PRKCA: variants seen among roughly 807,000 people sequenced by gnomAD.
The protein encoded by PRKCA is protein kinase C alpha, also known as protein kinase C alpha type.
PRKCA carries 27 observed loss-of-function variants against 87.0 expected under a neutral mutation model. The ratio of observed to expected loss-of-function variants is 0.31; its 90% CI spans 0.23 to 0.43. The LOEUF (loss-of-function observed/expected upper bound fraction) is 0.43, where lower values mean the gene tolerates loss of function less well. Among genes scored for constraint, PRKCA ranks in the 20% least tolerant of loss-of-function variants. The pLI, the probability that PRKCA is intolerant of heterozygous loss-of-function variation, is 1.00. For missense variants in PRKCA, 518 were observed against 852.3 expected, an observed-to-expected ratio of 0.61 and a Z score of 4.88; for synonymous variants, 329 against 311.1, an observed-to-expected ratio of 1.06 and a Z score of -0.61.
At chr17:66,485,390 T>C (rs1417047217) in intron 2 of PRKCA, among the ~76,000 whole-genome samples, 2 of 152,222 alleles carry the variant, frequency 1.3e-5, no homozygotes, top group African/African-American at 4.8e-5. Flanking sequence ...GTAGCATTTC[T>C]GCAACCCTGC....
intron 5 of PRKCA, among the ~76,000 whole-genome samples, chr17:66,675,239 G>A (rs1972294940): frequency 6.6e-6 from 1 of 152,204 alleles, no homozygotes; most frequent in South Asian, 2.1e-4. Flanking sequence ...TCACACGGTG[G>A]AAGGGCAAAC....
chr17:66,787,102 G>A (rs1267260931), intron 15 of PRKCA, 128 bp downstream of exon 15: 1 of 834,818 alleles, frequency 1.2e-6, no homozygotes, highest in Admixed American at 1.7e-5. Context: ...TGGCCATCGA[G>A]GGTTGGGGCT....
chr17:66,697,078 A>T (rs1972941974), intron 8 of PRKCA, among the ~76,000 whole-genome samples: 1 of 152,246 alleles, frequency 6.6e-6, no homozygotes, highest in Admixed American at 6.5e-5. Flanking sequence ...CTCCTCAGAG[A>T]GTCGAGAAAG....
intron 13 of PRKCA, among the ~76,000 whole-genome samples, chr17:66,747,708 C>T (rs1384413629): frequency 1.3e-5 from 2 of 152,214 alleles, no homozygotes; most frequent in African/African-American, 4.8e-5. Context: ...GTTTTCTTGG[C>T]CACTCACTTA....
intron 5 of PRKCA, among the ~76,000 whole-genome samples, chr17:66,667,668 C>G (rs1972076401): frequency 6.6e-6 from 1 of 152,154 alleles, no homozygotes; most frequent in African/African-American, 2.4e-5. Flanking sequence ...TCAAAAGCCA[C>G]CCACACAGGG....
At chr17:66,483,451 TTTTTATTTTATTTTA>T (rs141810960) in intron 2 of PRKCA, among the ~76,000 whole-genome samples, 2 of 148,050 alleles carry the variant, frequency 1.4e-5, no homozygotes, top group Non-Finnish European at 3.0e-5. Flanking sequence ...CTTGCCTTTA[TTTTTATTTTATTTTA>T]TTTTATTTTA....
chr17:66,420,002 CTTT>C (rs558522698), intron 2 of PRKCA, among the ~76,000 whole-genome samples: 2 of 113,708 alleles, frequency 1.8e-5, no homozygotes, highest in Non-Finnish European at 3.8e-5. Flanking sequence ...GGGTTGTGTT[CTTT>C]TTTTTTTTTT....
chr17:66,305,360 C>T (rs377663957), intron 1 of PRKCA, among the ~76,000 whole-genome samples: 11 of 152,274 alleles, frequency 7.2e-5, no homozygotes, highest in African/African-American at 2.6e-4. Flanking sequence ...GAGATTATGA[C>T]TCTCAACCTT....
intron 3 of PRKCA, among the ~76,000 whole-genome samples, chr17:66,573,053 A>G (rs918585378): frequency 6.6e-6 from 1 of 152,166 alleles, no homozygotes. Flanking sequence ...CGTTCTGTCT[A>G]CAGAGGAACT....
chr17:66,631,404 T>A (rs1185872982), intron 3 of PRKCA, among the ~76,000 whole-genome samples: 1 of 152,210 alleles, frequency 6.6e-6, no homozygotes, highest in Non-Finnish European at 1.5e-5. Context: ...TTAAACATCT[T>A]ATTTTTATTA....
chr17:66,740,840 G>C (rs886472249), intron 11 of PRKCA, among the ~76,000 whole-genome samples: 7 of 152,174 alleles, frequency 4.6e-5, no homozygotes, highest in African/African-American at 1.7e-4. Context: ...ATAATGTAAA[G>C]ATCACCTGTA....
intron 3 of PRKCA, among the ~76,000 whole-genome samples, chr17:66,580,547 C>G (rs1969390070): frequency 1.3e-5 from 2 of 152,214 alleles, no homozygotes; most frequent in Non-Finnish European, 2.9e-5. Flanking sequence ...TTCTTAGCAT[C>G]TCAGCAATCC....
intron 5 of PRKCA, among the ~76,000 whole-genome samples, chr17:66,672,852 A>C (rs1337091494): frequency 6.6e-6 from 1 of 152,212 alleles, no homozygotes; most frequent in Non-Finnish European, 1.5e-5. Context: ...CTATAAAAAT[A>C]AATATTTCAA....
chr17:66,508,501 C>A (rs1057389941), intron 3 of PRKCA, among the ~76,000 whole-genome samples: 1 of 152,160 alleles, frequency 6.6e-6, no homozygotes, highest in African/African-American at 2.4e-5. Flanking sequence ...CTGTCCTCAG[C>A]ATTCCAGCAC....
At chr17:66,552,641 T>C (rs1398886139) in intron 3 of PRKCA, among the ~76,000 whole-genome samples, 1 of 152,198 alleles carries the variant, frequency 6.6e-6, no homozygotes, top group African/African-American at 2.4e-5. Context: ...CAAGCCAAGA[T>C]TGCACTGTCA....
intron 2 of PRKCA, among the ~76,000 whole-genome samples, chr17:66,336,666 T>C (rs1409553278): frequency 7.3e-6 from 1 of 137,674 alleles, no homozygotes; most frequent in Non-Finnish European, 1.5e-5. Flanking sequence ...TTTGCCTATA[T>C]AGTAAATTAT....
chr17:66,659,583 A>T (rs1971834365), intron 5 of PRKCA, among the ~76,000 whole-genome samples: 2 of 152,308 alleles, frequency 1.3e-5, no homozygotes, highest in South Asian at 4.1e-4. Flanking sequence ...TTTAAAAATT[A>T]AAAATAAAAA....
At chr17:66,712,825 G>A (rs1013184489) in intron 8 of PRKCA, among the ~76,000 whole-genome samples, 1 of 152,136 alleles carries the variant, frequency 6.6e-6, no homozygotes, top group East Asian at 1.9e-4. Context: ...AATGGTAAAA[G>A]GACCAACCTC....
rs543966555 is a variant in PRKCA, at chr17:66,464,162, T to C, written c.206-32039T>C. 1.4e-3 allele frequency among the ~76,000 whole-genome samples: 209 copies of C among 152,274 alleles called. 3 individuals carry two copies. The highest frequency in any genetic ancestry group is 1.8e-3 in the Non-Finnish European group (123 of 68,016). The stretch of plus-strand genomic sequence containing the variant: ...CCTTTTCAGATTGGCTTCTTACACT[T>C]AGCAATATGCATTTATGTTTTTTCT... On this transcript the variant is annotated intron_variant, in intron 2 of 16. Transcript: ENST00000413366.
Sources: gnomAD v4.1 joint callset for allele counts (sites outside exome capture counted in the v4.1 genomes callset) on GRCh38, gnomAD v4.1.1 for gene constraint, MANE v1.5 for transcripts, NCBI Gene and HGNC (gene_info 2026-07-23, HGNC 2026-07-21) for gene names.